SYNE1: variants seen among roughly 807,000 people sequenced by gnomAD.
SYNE1 encodes spectrin repeat containing nuclear envelope protein 1, also known as nesprin-1.
In SYNE1, 616 loss-of-function variants were observed where a neutral mutation model predicts 1,111.0. That is an observed-to-expected ratio of 0.55 (90% CI 0.52 to 0.59). The LOEUF (loss-of-function observed/expected upper bound fraction) is 0.59. Among genes scored for constraint, SYNE1 ranks in the 20% least tolerant of loss-of-function variants. The pLI, the probability that SYNE1 is intolerant of heterozygous loss-of-function variation, is 0.00. For synonymous variants in SYNE1, 3,855 were observed against 3,825.8 expected, an observed-to-expected ratio of 1.01 and a Z score of -0.28; for missense variants, 10,006 against 10,417.0, an observed-to-expected ratio of 0.96 and a Z score of 1.72.
chr6:152,339,364 G>C lies in SYNE1; in HGVS notation c.12228C>G (p.Val4076=), dbSNP rs753756163. ...PLSRAEAIKQ[V]KHFRALQEQA... is the part of the protein sequence containing the mutation. Reference sequence around the variant, plus strand: ...GCTCTTGCAAAGCTCTGAAGTGTTTGACCTGGAAAAGGCAGTTATCAGAGT... The same window carrying C: ...GCTCTTGCAAAGCTCTGAAGTGTTTCACCTGGAAAAGGCAGTTATCAGAGT... The change falls in exon 75 of 146, where the codon GTC becomes GTG. Residue 4076 remains valine, a splice_region_variant and synonymous_variant. Coordinates refer to ENST00000367255, the MANE Select transcript of SYNE1 (RefSeq NM_182961.4). 1 of 1,613,590 alleles carries C rather than the reference G, an allele frequency of 6.2e-7. No individual in the cohort carries two copies. The highest frequency in any genetic ancestry group is 1.1e-5 in the South Asian group (1 of 91,014).
chr6:152,169,422 C>A (rs570159699), intron 130 of SYNE1, among the ~76,000 whole-genome samples: 1 of 151,448 alleles, frequency 6.6e-6, no homozygotes, highest in Non-Finnish European at 1.5e-5. Flanking sequence ...ATTAGCTGGG[C>A]GTGGTGGCGG....
intron 28 of SYNE1, among the ~76,000 whole-genome samples, chr6:152,448,532 A>T (rs187987715): frequency 1.2e-3 from 181 of 152,204 alleles, no homozygotes; most frequent in African/African-American, 3.6e-3. Flanking sequence ...ATTTAAGGGG[A>T]TTGTATAATT....
chr6:152,156,146 TGAGA>T (rs759040828), intron 131 of SYNE1, 49 bp from the exon 132 acceptor site: 1 of 1,604,696 alleles, frequency 6.2e-7, no homozygotes, highest in Non-Finnish European at 8.5e-7. Flanking sequence ...TGTATACAGA[TGAGA>T]GAAACTGAAG....
chr6:152,132,873 A>T (rs1562902216), intron 143 of SYNE1, among the ~76,000 whole-genome samples: 3 of 146,334 alleles, frequency 2.1e-5, no homozygotes, highest in Non-Finnish European at 4.5e-5. Flanking sequence ...CTGTTTTTTA[A>T]TTTTTTTTTT....
intron 3 of SYNE1, among the ~76,000 whole-genome samples, chr6:152,590,408 C>CTAATTTTT (rs1264095197): frequency 6.6e-6 from 1 of 151,108 alleles, no homozygotes; most frequent in Non-Finnish European, 1.5e-5. Flanking sequence ...AGCATACTAC[C>CTAATTTTT]TAATTTTTTA....
intron 3 of SYNE1, among the ~76,000 whole-genome samples, chr6:152,581,424 C>CTAAGAATTACAT (rs2099518989): frequency 6.6e-6 from 1 of 152,120 alleles, no homozygotes; most frequent in Non-Finnish European, 1.5e-5. Flanking sequence ...AATGTCATTC[C>CTAAGAATTACAT]AGAAATATTT....
At position 152,530,537 on chromosome 6, in the gene SYNE1, G is replaced by A. The variant is rs116631877; in HGVS notation, c.130-4362C>T. 6.8e-3 allele frequency among the ~76,000 whole-genome samples: 996 copies of A among 145,924 alleles called. 16 individuals carry two copies. Among genetic ancestry groups the A allele is most frequent in the African/African-American group, 0.024 (954 of 39,108 alleles). On this transcript the variant is annotated intron_variant, in intron 4 of 145. Transcript: ENST00000367255. ...CAGTTTCAATTACCTAGGGTCAACT[G>A]TAGTCTGAAAATGTTAAACAAAAAA... is the stretch of plus-strand genomic sequence containing the variant.
At chr6:152,553,685 G>T (rs2128160312) in intron 3 of SYNE1, among the ~76,000 whole-genome samples, 1 of 152,206 alleles carries the variant, frequency 6.6e-6, no homozygotes, top group Non-Finnish European at 1.5e-5. Flanking sequence ...GCTCACCTAT[G>T]AATCCACAGA....
chr6:152,131,975 T>C, intron 144 of SYNE1, 147 bp downstream of exon 144: 1 of 661,520 alleles, frequency 1.5e-6, no homozygotes, highest in South Asian at 1.8e-5. Context: ...GGAGGGGATG[T>C]GGCAGGGCTG....
chr6:152,164,276 T>C lies in SYNE1; in HGVS notation c.23677A>G (p.Asn7893Asp). 6.2e-7 allele frequency: 1 copy of C among 1,614,196 alleles called. No homozygotes were observed. Among genetic ancestry groups the C allele is most frequent in the Non-Finnish European group, 8.5e-7 (1 of 1,180,038 alleles). ...AGCCAGGTCCTCAGGCTGCTCATGT[T>C]CTTATCAAGCTGCTGCACGGCTACC... is the stretch of plus-strand genomic sequence containing the variant. ...TLVAVQQLDK[N>D]MSSLRTWLAH... The change falls in exon 131 of 146, where the codon AAC (asparagine) becomes GAC (aspartate). Residue 7893 changes from asparagine to aspartate, a missense_variant. Physicochemically the swap from Asn to Asp is conservative, Grantham distance 23 (BLOSUM62 1). This residue lies in a region of SYNE1 where 2,182 missense variants were observed against 2,287.8 expected (regional missense o/e 0.95). Coordinates refer to ENST00000367255, the MANE Select transcript of SYNE1 (RefSeq NM_182961.4).
intron 4 of SYNE1, among the ~76,000 whole-genome samples, chr6:152,531,232 A>G (rs2099199323): frequency 6.6e-6 from 1 of 152,220 alleles, no homozygotes; most frequent in Non-Finnish European, 1.5e-5. Flanking sequence ...TGAGATTGCT[A>G]AGATCCATGG....
chr6:152,215,007 C>T lies in SYNE1; in HGVS notation c.22245G>A (p.Glu7415=), dbSNP rs767375107. 1.9e-6 allele frequency: 3 copies of T among 1,614,002 alleles called. No individual in the cohort carries two copies. The highest frequency in any genetic ancestry group is 2.7e-5 in the African/African-American group (2 of 74,926). Residue 7415 remains glutamate (E), a synonymous_variant, in exon 122 of 146, where the codon GAG becomes GAA. Transcript: ENST00000367255. ...CATTCAAGGGTAACCTATATCCAAG[C>T]TCATTTAGACGGTCTAAATCTGGAG... ...SMAPDLDRLN[E]LGYRLPLNDK...
intron 129 of SYNE1, among the ~76,000 whole-genome samples, 184 bp from the exon 130 acceptor site, chr6:152,176,744 T>C (rs2066540876): frequency 6.6e-6 from 1 of 152,160 alleles, no homozygotes; most frequent in South Asian, 2.1e-4. Context: ...TTGGTATGTA[T>C]GCAGAGTTGG....
chr6:152,494,369 G>A (rs1414484238), intron 11 of SYNE1, among the ~76,000 whole-genome samples: 1 of 152,060 alleles, frequency 6.6e-6, no homozygotes, highest in African/African-American at 2.4e-5. Flanking sequence ...TGACCCCCAT[G>A]ATTGTATCTC....
intron 14 of SYNE1, chr6:152,480,854 C>G (rs1170700528): frequency 4.5e-6 from 2 of 448,810 alleles, no homozygotes; most frequent in Non-Finnish European, 8.9e-6. Context: ...ACTCCTGCCC[C>G]TCTCTCTCTC....
At chr6:152,231,288 G>T in intron 114 of SYNE1, 103 bp downstream of exon 114, 1 of 1,254,186 alleles carries the variant, frequency 8.0e-7, no homozygotes. Context: ...AGCGTTCTTT[G>T]CCCAGTATAG....
intron 2 of SYNE1, among the ~76,000 whole-genome samples, chr6:152,631,987 T>A (rs1274481363): frequency 2.0e-5 from 3 of 152,092 alleles, no homozygotes; most frequent in Non-Finnish European, 4.4e-5. Flanking sequence ...AGGATCCACA[T>A]ACCACTTGAA....
At position 152,427,861 on chromosome 6, in the gene SYNE1, T is replaced by A. The variant is rs1157124411; in HGVS notation, c.4977-45A>T. The A allele has an allele frequency of 2.5e-6, 4 of 1,613,022 alleles. No individual in the cohort carries two copies. The East Asian group carries it at 6.7e-5, about 27-fold the overall frequency. On this transcript the variant is annotated intron_variant, in intron 37 of 145. Coordinates refer to ENST00000367255, the MANE Select transcript of SYNE1 (RefSeq NM_182961.4). ...GAAACAAATTTATTGAAAATTATCA[T>A]GCTAGCAGATTAAACCTTTGTGAAG...
chr6:152,156,917 T>C (rs1437973378), intron 131 of SYNE1, among the ~76,000 whole-genome samples: 2 of 152,082 alleles, frequency 1.3e-5, no homozygotes, highest in African/African-American at 4.8e-5. Context: ...AACTTCTGCC[T>C]CCCGAGTTCA....
Sources: allele counts gnomAD v4.1 joint callset (sites outside exome capture counted in the v4.1 genomes callset), GRCh38; gene constraint gnomAD v4.1.1; regional missense constraint gnomAD v4.1.1; transcripts MANE v1.5; gene names NCBI Gene and HGNC (gene_info 2026-07-23, HGNC 2026-07-21).